UBR3: variants seen among roughly 807,000 people sequenced by gnomAD.
The protein encoded by UBR3 is ubiquitin protein ligase E3 component n-recognin 3, also known as E3 ubiquitin-protein ligase UBR3.
In UBR3, 85 loss-of-function variants were observed where a neutral mutation model predicts 243.2. The ratio of observed to expected loss-of-function variants is 0.35; its 90% confidence interval spans 0.29 to 0.42. UBR3 has a LOEUF of 0.42. UBR3 is among the 10% of genes least tolerant of loss of function. The pLI is 1.00. For missense variants in UBR3, 1,686 were observed against 2,300.8 expected (o/e 0.73, Z 5.47); for synonymous variants, 748 against 799.8 (o/e 0.94, Z 1.09).
intron 10 of UBR3, among the ~76,000 whole-genome samples, chr2:169,909,217 A>G (rs1199578801): frequency 6.6e-6 from 1 of 152,164 alleles, no homozygotes; most frequent in African/African-American, 2.4e-5. Context: ...TATTGCAGGT[A>G]TTCGCAGATC....
At chr2:169,846,431 G>T (rs953103342) in intron 1 of UBR3, among the ~76,000 whole-genome samples, 3 of 151,654 alleles carry the variant, frequency 2.0e-5, no homozygotes, top group Non-Finnish European at 4.4e-5. Flanking sequence ...TTTTTTAGGG[G>T]CTGGGTGCGC....
intron 1 of UBR3, among the ~76,000 whole-genome samples, chr2:169,860,830 G>T (rs1399994286): frequency 6.6e-6 from 1 of 152,168 alleles, no homozygotes; most frequent in Non-Finnish European, 1.5e-5. Flanking sequence ...TAGGTCATCT[G>T]CAAGTTGAGG....
intron 24 of UBR3, among the ~76,000 whole-genome samples, chr2:169,975,804 A>G (rs1290296423): frequency 6.6e-6 from 1 of 152,070 alleles, no homozygotes; most frequent in African/African-American, 2.4e-5. Flanking sequence ...TCTGTCTCTA[A>G]AAAAACAAAC....
chr2:169,898,577 CT>C (rs2084681034), intron 8 of UBR3, among the ~76,000 whole-genome samples: 3 of 151,642 alleles, frequency 2.0e-5, no homozygotes, highest in African/African-American at 7.3e-5. Context: ...AAAGCCTGTA[CT>C]CTTTCTTACC....
intron 35 of UBR3, among the ~76,000 whole-genome samples, chr2:170,067,768 T>C (rs1373596996): frequency 6.0e-5 from 7 of 116,678 alleles, no homozygotes; most frequent in African/African-American, 1.2e-4. Context: ...CACAAGGAAA[T>C]AATTTTTTTT....
chr2:169,857,073 T>TTTTTG (rs2082908261), intron 1 of UBR3, among the ~76,000 whole-genome samples: 1 of 122,008 alleles, frequency 8.2e-6, no homozygotes, highest in East Asian at 2.7e-4. Flanking sequence ...TGTTTTTTTT[T>TTTTTG]TTTTTTTTTT....
In UBR3 at chr2:170,081,937, T is replaced by C. The variant is rs533088848; in HGVS notation, c.*94T>C. 4 of 888,216 alleles carry C rather than the reference T, an allele frequency of 4.5e-6. No homozygotes were observed. The African/African-American group carries it at 5.2e-5, about 11-fold the overall frequency. The allele number at this position is 888,216 out of a possible 1,614,324, so 55.0% of individuals were successfully genotyped here. On this transcript the variant is annotated 3_prime_UTR_variant, in exon 39 of 39. Coordinates refer to ENST00000272793, the MANE Select transcript of UBR3 (RefSeq NM_172070.4). ...ACTTAATTTGGGGGATTAACACTTTTGCTGAGGGAGAAAAAGAAAACATAC... is the reference window on the plus strand; with the variant it reads ...ACTTAATTTGGGGGATTAACACTTTCGCTGAGGGAGAAAAAGAAAACATAC...
intron 1 of UBR3, among the ~76,000 whole-genome samples, chr2:169,863,971 G>C (rs778936835): frequency 5.9e-5 from 9 of 152,062 alleles, no homozygotes; most frequent in Non-Finnish European, 1.2e-4. Context: ...CTTCAGAAAG[G>C]CCTTCCCTGA....
rs997062448 is a variant in UBR3, at chr2:169,942,371, A to G, written c.2664-122A>G. ...AGATACCTCTTTGGCATTTTAAGCA[A>G]TTTGATTAAAAATAGCACTGCATAA... On this transcript the variant is annotated intron_variant, in intron 19 of 38. Coordinates refer to ENST00000272793, the MANE Select transcript of UBR3 (RefSeq NM_172070.4). 1.6e-5 allele frequency: 16 copies of G among 977,098 alleles called. No homozygotes were observed. The African/African-American group carries it at 2.2e-4, about 13-fold the overall frequency. 60.5% of individuals were successfully genotyped at this position (977,098 alleles called of 1,614,324 possible). A position where few individuals can be genotyped will look rare whatever the true frequency, so the allele number is the denominator to read the frequency against.
chr2:170,042,296 T>G (rs929236373), intron 32 of UBR3, among the ~76,000 whole-genome samples: 1 of 152,192 alleles, frequency 6.6e-6, no homozygotes, highest in Non-Finnish European at 1.5e-5. Context: ...CATGTATCAT[T>G]ACTTCATTTA....
intron 1 of UBR3, among the ~76,000 whole-genome samples, chr2:169,845,937 A>T (rs183742321): frequency 1.4e-4 from 21 of 152,314 alleles, no homozygotes; most frequent in African/African-American, 4.8e-4. Flanking sequence ...ATATGATGTC[A>T]ATTTATTTAA....
At chr2:170,042,656 T>G (rs926591145) in intron 32 of UBR3, among the ~76,000 whole-genome samples, 2 of 136,062 alleles carry the variant, frequency 1.5e-5, no homozygotes, top group Non-Finnish European at 3.1e-5. Flanking sequence ...GCCACTGCAC[T>G]CTAGCCTGGG....
At chr2:169,886,482 T>C (rs1266975027) in intron 5 of UBR3, among the ~76,000 whole-genome samples, 1 of 152,232 alleles carries the variant, frequency 6.6e-6, no homozygotes, top group Non-Finnish European at 1.5e-5. Flanking sequence ...ATATTTCTTG[T>C]TTTGCCTTCT....
Position 169,896,020 on chromosome 2 carries a change from G to T in UBR3, c.1237-487G>T, listed in dbSNP as rs375207641. ...ATAAGAGTAAAAATAAATACGGCTG[G>T]GCGTGGTAGCTCACGTCTGTAGTCC... On this transcript the variant is annotated intron_variant, in intron 7 of 38. Coordinates refer to ENST00000272793, the MANE Select transcript of UBR3 (RefSeq NM_172070.4). Among the ~76,000 whole-genome samples, 32 of 152,100 alleles carry T rather than the reference G, an allele frequency of 2.1e-4. No homozygotes were observed. The East Asian group carries it at 4.2e-3, about 20-fold the overall frequency.
At chr2:170,025,433 T>C (rs1339781452) in intron 30 of UBR3, among the ~76,000 whole-genome samples, 1 of 152,074 alleles carries the variant, frequency 6.6e-6, no homozygotes, top group Non-Finnish European at 1.5e-5. Flanking sequence ...GATACTATTC[T>C]AGGCTGAGAG....
intron 30 of UBR3, among the ~76,000 whole-genome samples, chr2:170,018,942 G>A (rs2090317589): frequency 6.6e-6 from 1 of 152,140 alleles, no homozygotes; most frequent in African/African-American, 2.4e-5. Context: ...TATTCTCAGT[G>A]TATTTCTCAA....
intron 35 of UBR3, 70 bp from the exon 36 acceptor site, chr2:170,073,358 G>A: frequency 6.4e-7 from 1 of 1,559,950 alleles, no homozygotes; most frequent in Non-Finnish European, 8.8e-7. Flanking sequence ...ATTGATGAGG[G>A]TGACCTTTTA....
At chr2:169,845,549 TTC>T (rs1559012559) in intron 1 of UBR3, among the ~76,000 whole-genome samples, 1 of 148,110 alleles carries the variant, frequency 6.8e-6, no homozygotes, top group Admixed American at 6.8e-5. Context: ...CTTCTTCTTC[TTC>T]TTTCTTCTTC....
At position 169,836,065 on chromosome 2, in the gene UBR3, ATATTTTT is replaced by A. The variant is rs2082100188; in HGVS notation, c.545+8015_545+8021del. Among the ~76,000 whole-genome samples the A allele has an allele frequency of 4.3e-4, 12 of 27,938 alleles. 1 individual carries two copies. Among genetic ancestry groups the A allele is most frequent in the East Asian group, 1.7e-3 (1 of 582 alleles). The allele number at this position is 27,938 out of a possible 152,430, so 18.3% of individuals were successfully genotyped here. A position where few individuals can be genotyped will look rare whatever the true frequency, so the allele number is the denominator to read the frequency against. On this transcript the variant is annotated intron_variant, in intron 1 of 38. Transcript: ENST00000272793. ...TCTCTATATATATATATATATATAT[ATATTTTT>A]TTTTTTTTTTTTTTTTTTTTTGAGA...
Sources: gnomAD v4.1 joint callset for allele counts (sites outside exome capture counted in the v4.1 genomes callset) on GRCh38, gnomAD v4.1.1 for gene constraint, MANE v1.5 for transcripts, NCBI Gene and HGNC (gene_info 2026-07-23, HGNC 2026-07-21) for gene names.